SPTBN1: variants seen among roughly 807,000 people sequenced by gnomAD.
The protein encoded by SPTBN1 is spectrin beta, non-erythrocytic 1.
A neutral mutation model predicts 266.4 loss-of-function variants in SPTBN1; 32 were observed. The ratio of observed to expected loss-of-function variants is 0.12; its 90% CI spans 0.09 to 0.16. The LOEUF (loss-of-function observed/expected upper bound fraction) is 0.16. SPTBN1 is among the 10% of genes least tolerant of loss of function. The pLI, the probability that SPTBN1 is intolerant of heterozygous loss-of-function variation, is 1.00. For synonymous variants in SPTBN1, 1,336 were observed against 1,162.2 expected (o/e 1.15, Z -3.04); for missense variants, 2,296 against 3,067.1 (o/e 0.75, Z 5.94).
intron 2 of SPTBN1, among the ~76,000 whole-genome samples, chr2:54,532,054 C>G (rs1671282316): frequency 6.6e-6 from 1 of 152,110 alleles, no homozygotes; most frequent in East Asian, 1.9e-4. Context: ...CTTTGGGAGG[C>G]CGAGGCTGGT....
intron 35 of SPTBN1, among the ~76,000 whole-genome samples, 153 bp downstream of exon 35, chr2:54,667,799 T>C (rs977127672): frequency 8.5e-5 from 13 of 152,190 alleles, no homozygotes; most frequent in African/African-American, 2.9e-4. Context: ...AGGTGTTTGG[T>C]TCTGTCTCTA....
At chr2:54,522,697 G>GAGAA (rs1466233306) in intron 1 of SPTBN1, among the ~76,000 whole-genome samples, 58 of 97,238 alleles carry the variant, frequency 6.0e-4, no homozygotes, top group Non-Finnish European at 9.7e-4. Flanking sequence ...GAGAGAGAGA[G>GAGAA]AGAAAGAAAG....
chr2:54,545,138 T>C (rs4671955), intron 2 of SPTBN1, among the ~76,000 whole-genome samples: 122,001 of 152,180 alleles, frequency 0.8, 49,469 homozygotes, highest in African/African-American at 0.93. Flanking sequence ...AGTATTCCAT[T>C]GTGTATATGT....
chr2:54,608,200 G>T (rs1283948240), intron 3 of SPTBN1, among the ~76,000 whole-genome samples: 1 of 152,190 alleles, frequency 6.6e-6, no homozygotes, highest in African/African-American at 2.4e-5. Context: ...AAACCCCTGA[G>T]AATATAGAAG....
rs1372949975 is a variant in SPTBN1 at position 54,645,217 on chromosome 2, C to G, written c.4270-12C>G. Reference sequence around the variant, plus strand: ...TCTGTGCTGAGCGCTGAGGCTGCTTCTCTGCCCTCAGATGCTGGAGAATCA... The same window carrying G: ...TCTGTGCTGAGCGCTGAGGCTGCTTGTCTGCCCTCAGATGCTGGAGAATCA... On this transcript the variant is annotated splice_polypyrimidine_tract_variant and intron_variant, in intron 20 of 35. Transcript: ENST00000356805. The surrounding 1 kb of genome is among the most constrained non-coding windows in gnomAD (Gnocchi z 4.3). 1 of 1,613,916 alleles carries G rather than the reference C, an allele frequency of 6.2e-7. No homozygotes were observed. Among genetic ancestry groups the G allele is most frequent in the East Asian group, 2.2e-5 (1 of 44,872 alleles).
At chr2:54,547,826 C>T (rs1391203569) in intron 2 of SPTBN1, among the ~76,000 whole-genome samples, 1 of 152,150 alleles carries the variant, frequency 6.6e-6, no homozygotes, top group Non-Finnish European at 1.5e-5. Context: ...TCTCTTCTTT[C>T]TCTTCATTCT....
intron 2 of SPTBN1, among the ~76,000 whole-genome samples, chr2:54,543,666 AT>A (rs1672068607): frequency 6.6e-6 from 1 of 152,088 alleles, no homozygotes; most frequent in Admixed American, 6.5e-5. Context: ...CCTGTTTCGG[AT>A]TTGCACTCAA....
At chr2:54,518,209 CAG>C (rs1375388053) in intron 1 of SPTBN1, among the ~76,000 whole-genome samples, 1 of 151,760 alleles carries the variant, frequency 6.6e-6, no homozygotes, top group South Asian at 2.1e-4. Context: ...TATTAAGAAA[CAG>C]TGGTTTCTTG....
rs951883224 is a variant in SPTBN1, at chr2:54,643,094, G to T, written c.3970G>T (p.Ala1324Ser). 3.1e-6 allele frequency: 5 copies of T among 1,614,180 alleles called. No homozygotes were observed. Among genetic ancestry groups the T allele is most frequent in the Non-Finnish European group, 4.2e-6 (5 of 1,180,012 alleles). ...LKHQAFMAEL[A>S]SNKEWLDKIE... ...GCATCAAGCATTTATGGCAGAACTT[G>T]CATCCAACAAAGAATGGCTTGACAA... The change falls in exon 19 of 36, where the codon GCA (alanine) becomes TCA (serine). Residue 1324 changes from alanine (A) to serine (S), a missense_variant. Ala to Ser is a moderately conservative substitution (Grantham distance 99, BLOSUM62 1). This residue lies in a region of SPTBN1 where 386 missense variants were observed against 486.1 expected (regional missense o/e 0.79). Coordinates refer to ENST00000356805, the MANE Select transcript of SPTBN1 (RefSeq NM_003128.3).
chr2:54,550,018 C>A (rs572665751), intron 2 of SPTBN1, among the ~76,000 whole-genome samples: 2 of 152,346 alleles, frequency 1.3e-5, no homozygotes, highest in South Asian at 4.1e-4. Context: ...TTGAGGACAT[C>A]ACTTTCTCCC....
Position 54,624,830 on chromosome 2 carries a change from A to G in SPTBN1, c.1209A>G (p.Glu403=). 1 of 1,614,198 alleles carries G rather than the reference A, an allele frequency of 6.2e-7. No homozygotes were observed. The highest frequency in any genetic ancestry group is 8.5e-7 in the Non-Finnish European group (1 of 1,180,028). The stretch of plus-strand genomic sequence containing the variant: ...CCTGGGAAAGACTGGAAAAAGCGGA[A>G]CACGAAAGAGAACTGGCTTTGCGGA... ...NKAWERLEKA[E]HERELALRNE... Residue 403 remains glutamate (E), a synonymous_variant, in exon 11 of 36, where the codon GAA becomes GAG. Coordinates refer to ENST00000356805, the MANE Select transcript of SPTBN1 (RefSeq NM_003128.3).
At chr2:54,520,888 A>C (rs1670396373) in intron 1 of SPTBN1, among the ~76,000 whole-genome samples, 1 of 152,096 alleles carries the variant, frequency 6.6e-6, no homozygotes, top group Non-Finnish European at 1.5e-5. Flanking sequence ...TTTCTCTTCA[A>C]GGGGAGATTC....
chr2:54,664,165 G>C lies in SPTBN1; in HGVS notation c.6421-288G>C, dbSNP rs1232593860. The C allele has an allele frequency of 3.3e-6, 1 of 302,036 alleles. No homozygotes were observed. Among genetic ancestry groups the C allele is most frequent in the Non-Finnish European group, 6.1e-6 (1 of 164,286 alleles). The allele number at this position is 302,036 out of a possible 1,614,324, so 18.7% of individuals were successfully genotyped here. On this transcript the variant is annotated intron_variant, in intron 32 of 35. Coordinates refer to ENST00000356805, the MANE Select transcript of SPTBN1 (RefSeq NM_003128.3). The surrounding 1 kb of genome is among the most constrained non-coding windows in gnomAD (Gnocchi z 5.6). The stretch of plus-strand genomic sequence containing the variant: ...TCTTTTTGTTTTAAAGTAACCATAA[G>C]AGGAGATGATCTGAGTTATATTTAT...
intron 2 of SPTBN1, chr2:54,527,162 G>A: frequency 6.6e-6 from 1 of 151,776 alleles, no homozygotes; most frequent in East Asian, 1.9e-4. Context: ...GGTGAGGAGT[G>A]TTTTACCCTA....
chr2:54,642,531 T>TGG (rs1553349807), intron 18 of SPTBN1, among the ~76,000 whole-genome samples: 9 of 76,536 alleles, frequency 1.2e-4, no homozygotes, highest in African/African-American at 3.3e-4. Context: ...AATAAGTAGT[T>TGG]TTTTTTTTTT....
intron 1 of SPTBN1, among the ~76,000 whole-genome samples, chr2:54,518,110 G>A (rs1349088421): frequency 1.3e-5 from 2 of 152,042 alleles, no homozygotes; most frequent in African/African-American, 2.4e-5. Flanking sequence ...TTATATTTAT[G>A]AGCAGAGAAC....
rs551388431 is a variant in SPTBN1, at chr2:54,597,567, A to C, written c.149-1525A>C. The stretch of plus-strand genomic sequence containing the variant: ...ACCTCAAGGAGCCGCTGACTGTAGC[A>C]GGTGGCCGGGGATCTTGGCAGGTGC... On this transcript the variant is annotated intron_variant, in intron 2 of 35. Coordinates refer to ENST00000356805, the MANE Select transcript of SPTBN1 (RefSeq NM_003128.3). Among the ~76,000 whole-genome samples, 8 of 152,350 alleles carry C rather than the reference A, an allele frequency of 5.3e-5. No homozygotes were observed. In the South Asian group the frequency reaches 1.7e-3, roughly 32 times the overall value.
At chr2:54,459,137 C>T (rs534712601) in intron 1 of SPTBN1, among the ~76,000 whole-genome samples, 31 of 152,266 alleles carry the variant, frequency 2.0e-4, no homozygotes, top group African/African-American at 7.2e-4. Context: ...TTCTGACTTA[C>T]ACAGCAGGTG....
intron 3 of SPTBN1, among the ~76,000 whole-genome samples, chr2:54,611,498 TG>T (rs1206428145): frequency 6.6e-6 from 1 of 152,216 alleles, no homozygotes; most frequent in Non-Finnish European, 1.5e-5. Context: ...TTTGTTTGTT[TG>T]TTTTATTTAA....
Sources: allele counts gnomAD v4.1 joint callset (sites outside exome capture counted in the v4.1 genomes callset), GRCh38; gene constraint gnomAD v4.1.1; regional missense constraint gnomAD v4.1.1; non-coding constraint Gnocchi (gnomAD v3.1); transcripts MANE v1.5; gene names NCBI Gene and HGNC (gene_info 2026-07-23, HGNC 2026-07-21).